Variants in LPA observed in about 807,000 individuals in gnomAD.
LPA encodes the protein lipoprotein(a).
LPA carries 199 observed loss-of-function variants against 197.9 expected under a neutral mutation model. The ratio of observed to expected loss-of-function variants is 1.01; its 90% CI spans 0.90 to 1.13. The LOEUF is 1.13. Among genes scored for constraint, LPA ranks in the 50% most tolerant of loss-of-function variants. LPA has a pLI of 0.00. For missense variants in LPA, 1,853 were observed against 1,785.8 expected (o/e 1.04, Z -0.68); for synonymous variants, 715 against 639.5 (o/e 1.12, Z -1.78).
At chr6:160,615,286 C>T (rs1779572383) in intron 14 of LPA, among the ~76,000 whole-genome samples, 2 of 146,354 alleles carry the variant, frequency 1.4e-5, no homozygotes, top group South Asian at 2.2e-4. Flanking sequence ...TTCAGGGGTG[C>T]GCGTGTCTGT....
At position 160,610,410 on chromosome 6, in the gene LPA, C is replaced by T. The variant is rs141477332; in HGVS notation, c.2603+1152G>A. On this transcript the variant is annotated intron_variant, in intron 16 of 38. Coordinates refer to ENST00000316300, the MANE Select transcript of LPA (RefSeq NM_005577.4). Reference sequence around the variant, plus strand: ...GAAATTATGGCTGTTCTGGGGTCTCCACTGAATTGGCAATGTGTTCCGTGA... The same window carrying T: ...GAAATTATGGCTGTTCTGGGGTCTCTACTGAATTGGCAATGTGTTCCGTGA... Among the ~76,000 whole-genome samples, 584 of 152,194 alleles carry T rather than the reference C, an allele frequency of 3.8e-3. 8 individuals carry two copies. The highest frequency in any genetic ancestry group is 0.013 in the African/African-American group (553 of 41,480).
chr6:160,534,980 GTGA>G (rs1011458124), intron 37 of LPA, among the ~76,000 whole-genome samples: 7 of 150,074 alleles, frequency 4.7e-5, no homozygotes, highest in African/African-American at 1.0e-4. Context: ...GGTGGTGCTG[GTGA>G]TGATGATGGT....
intron 26 of LPA, 115 bp from the exon 27 acceptor site, chr6:160,578,819 A>C: frequency 2.1e-6 from 3 of 1,433,188 alleles, no homozygotes; most frequent in Non-Finnish European, 2.9e-6. Flanking sequence ...AAATATTCCC[A>C]TTATACCACA....
chr6:160,593,940 G>A lies in LPA; in HGVS notation c.3629+18C>T. 6.2e-7 allele frequency: 1 copy of A among 1,613,006 alleles called. No individual in the cohort carries two copies. The highest frequency in any genetic ancestry group is 8.5e-7 in the Non-Finnish European group (1 of 1,179,618). ...AAGGGGGCTGCTGTCTGTCTTTGAA[G>A]AAAACTCAAGGTTGTACCCATTTGG... is the stretch of plus-strand genomic sequence containing the variant. On this transcript the variant is annotated intron_variant, in intron 22 of 38. Coordinates refer to ENST00000316300, the MANE Select transcript of LPA (RefSeq NM_005577.4).
intron 1 of LPA, among the ~76,000 whole-genome samples, chr6:160,659,978 A>T (rs932238250): frequency 1.3e-5 from 2 of 151,056 alleles, no homozygotes; most frequent in South Asian, 2.1e-4. Context: ...CAACCTAAAG[A>T]AATACTTTTT....
At chr6:160,582,283 G>T (rs1201101037) in intron 26 of LPA, among the ~76,000 whole-genome samples, 1 of 151,044 alleles carries the variant, frequency 6.6e-6, no homozygotes, top group Non-Finnish European at 1.5e-5. Flanking sequence ...CTACTCTAAA[G>T]GTGTTATTTC....
chr6:160,585,172 C>A lies in LPA; in HGVS notation c.4163G>T (p.Cys1388Phe), dbSNP rs747468877. The A allele has an allele frequency of 6.2e-7, 1 of 1,613,574 alleles. No individual in the cohort carries two copies. The highest frequency in any genetic ancestry group is 1.3e-5 in the African/African-American group (1 of 74,830). Residue 1388 changes from cysteine to phenylalanine, a missense_variant, in exon 26 of 39, where the codon TGC (cysteine) becomes TTC (phenylalanine). Transcript: ENST00000316300. ...PTENSTGVQD[C>F]YRGDGQSYRG... Reference sequence around the variant, plus strand: ...ATAACTCTGTCCATCACCTCGGTAGCAGTCCTGGACCCCAGTGCTGTTTTC... The same window carrying A: ...ATAACTCTGTCCATCACCTCGGTAGAAGTCCTGGACCCCAGTGCTGTTTTC...
At chr6:160,596,042 C>G (rs1375534692) in intron 20 of LPA, among the ~76,000 whole-genome samples, 1 of 152,224 alleles carries the variant, frequency 6.6e-6, no homozygotes, top group Non-Finnish European at 1.5e-5. Flanking sequence ...ACTACACTAA[C>G]TATTCAGCAT....
chr6:160,571,301 T>C (rs954842782), intron 28 of LPA, among the ~76,000 whole-genome samples: 2 of 152,202 alleles, frequency 1.3e-5, no homozygotes, highest in African/African-American at 4.8e-5. Flanking sequence ...TTCCTTGCAT[T>C]GTGTTAGAAC....
intron 37 of LPA, among the ~76,000 whole-genome samples, chr6:160,537,525 C>A (rs771642364): frequency 6.6e-6 from 1 of 152,122 alleles, no homozygotes; most frequent in Non-Finnish European, 1.5e-5. Flanking sequence ...CCTGGGGAAG[C>A]AATATGAATG....
At chr6:160,568,936 G>A (rs1778512837) in intron 28 of LPA, among the ~76,000 whole-genome samples, 1 of 152,144 alleles carries the variant, frequency 6.6e-6, no homozygotes, top group South Asian at 2.1e-4. Context: ...GGATGGGAAG[G>A]ACCTCTTCAA....
At chr6:160,615,322 CGTGTGT>C (rs745980063) in intron 14 of LPA, among the ~76,000 whole-genome samples, 1 of 144,834 alleles carries the variant, frequency 6.9e-6, no homozygotes, top group African/African-American at 2.6e-5. Flanking sequence ...TGAGTTTCTG[CGTGTGT>C]GTGAGTATGG....
intron 1 of LPA, among the ~76,000 whole-genome samples, chr6:160,652,698 T>C (rs2115101583): frequency 6.6e-6 from 1 of 152,160 alleles, no homozygotes; most frequent in South Asian, 2.1e-4. Context: ...AGGGTAAAAA[T>C]AGTGTCAATG....
intron 22 of LPA, among the ~76,000 whole-genome samples, chr6:160,593,361 C>G (rs1033172296): frequency 1.3e-5 from 2 of 152,166 alleles, no homozygotes; most frequent in South Asian, 4.1e-4. Flanking sequence ...CTGACGTGGT[C>G]TGAACTGGGT....
At chr6:160,552,339 A>T (rs764300451) in intron 30 of LPA, among the ~76,000 whole-genome samples, 3 of 152,174 alleles carry the variant, frequency 2.0e-5, no homozygotes, top group Non-Finnish European at 4.4e-5. Context: ...CCAAAGATCA[A>T]TTTCACGAGA....
At chr6:160,583,714 C>T (rs1021046859) in intron 26 of LPA, among the ~76,000 whole-genome samples, 1 of 152,118 alleles carries the variant, frequency 6.6e-6, no homozygotes, top group African/African-American at 2.4e-5. Context: ...CTTTTCTCCA[C>T]AAATACTTTC....
intron 26 of LPA, among the ~76,000 whole-genome samples, chr6:160,580,447 G>C (rs1236084704): frequency 6.6e-6 from 1 of 152,204 alleles, no homozygotes; most frequent in African/African-American, 2.4e-5. Flanking sequence ...AGGTTTGTAG[G>C]ATAGATGCAT....
At position 160,606,597 on chromosome 6, in the gene LPA, T is replaced by A; in HGVS notation, c.2665A>T (p.Arg889Trp). Residue 889 changes from arginine to tryptophan, a missense_variant, in exon 17 of 39, where the codon AGG (arginine) becomes TGG (tryptophan). Transcript: ENST00000316300. ...DPVAAPYCYT[R>W]DPSVRWEYCN... ...TACTCCCACCTGACACTGGGATCCC[T>A]CGTATAACAATAAGGGGCTGCCACA... The A allele has an allele frequency of 1.2e-6, 2 of 1,613,910 alleles. No individual in the cohort carries two copies. Among genetic ancestry groups the A allele is most frequent in the Non-Finnish European group, 1.7e-6 (2 of 1,179,948 alleles).
At chr6:160,590,087 G>T (rs1334970505) in intron 23 of LPA, among the ~76,000 whole-genome samples, 1 of 152,152 alleles carries the variant, frequency 6.6e-6, no homozygotes, top group Admixed American at 6.5e-5. Context: ...GTCAGTGGGG[G>T]CAGACATGAA....
Sources: gnomAD v4.1 joint callset for allele counts (sites outside exome capture counted in the v4.1 genomes callset) on GRCh38, gnomAD v4.1.1 for gene constraint, MANE v1.5 for transcripts, NCBI Gene and HGNC (gene_info 2026-07-23, HGNC 2026-07-21) for gene names.